NRG3: variants seen among roughly 807,000 people sequenced by gnomAD.
The protein encoded by NRG3 is pro-neuregulin-3, membrane-bound isoform.
In NRG3, 31 loss-of-function variants were observed where a neutral mutation model predicts 66.9. The observed-to-expected ratio is 0.46, with a 90% CI of 0.35 to 0.63. NRG3 has a LOEUF of 0.63. Among genes scored for constraint, NRG3 ranks in the 20% least tolerant of loss-of-function variants. NRG3 has a pLI of 0.00. For synonymous variants in NRG3, 393 were observed against 359.4 expected (o/e 1.09, Z -1.06); for missense variants, 910 against 878.9 (o/e 1.04, Z -0.45).
chr10:82,677,896 C>T (rs2053831161), intron 2 of NRG3, among the ~76,000 whole-genome samples: 1 of 152,190 alleles, frequency 6.6e-6, no homozygotes, highest in Non-Finnish European at 1.5e-5. Flanking sequence ...CTTACTTCTC[C>T]ATTGATTCTC....
In NRG3 at chr10:82,018,416, G is replaced by A. The variant is rs188065397; in HGVS notation, c.823+142253G>A. On this transcript the variant is annotated intron_variant, in intron 1 of 8. Coordinates refer to ENST00000372141, the MANE Select transcript of NRG3 (RefSeq NM_001010848.4). ...TGGCTTAGGATTGACTTGGCGATGC[G>A]TGCTCTTTTTTGGTTCCATATGAAC... 2.6e-3 allele frequency among the ~76,000 whole-genome samples: 395 copies of A among 152,194 alleles called. 1 individual carries two copies. Among genetic ancestry groups the A allele is most frequent in the African/African-American group, 8.2e-3 (339 of 41,518 alleles).
intron 1 of NRG3, among the ~76,000 whole-genome samples, chr10:82,097,381 C>CACAT (rs2066411434): frequency 6.8e-6 from 1 of 146,668 alleles, no homozygotes; most frequent in South Asian, 2.1e-4. Context: ...CACACACACA[C>CACAT]ACACACACAC....
intron 2 of NRG3, among the ~76,000 whole-genome samples, chr10:82,633,842 C>G (rs1314687675): frequency 1.3e-5 from 2 of 152,078 alleles, no homozygotes; most frequent in Non-Finnish European, 2.9e-5. Flanking sequence ...CTTATTTGAC[C>G]ATCAATTTTT....
At chr10:82,539,936 A>G (rs1201435134) in intron 2 of NRG3, among the ~76,000 whole-genome samples, 1 of 152,036 alleles carries the variant, frequency 6.6e-6, no homozygotes, top group Non-Finnish European at 1.5e-5. Context: ...CCAGCCGTTT[A>G]CTGCCGTTTT....
At chr10:82,092,812 T>C (rs1202418849) in intron 1 of NRG3, among the ~76,000 whole-genome samples, 4 of 152,170 alleles carry the variant, frequency 2.6e-5, no homozygotes, top group South Asian at 2.1e-4. Flanking sequence ...TTCTTGAAGA[T>C]TGGAATTCCT....
intron 2 of NRG3, among the ~76,000 whole-genome samples, chr10:82,662,858 T>C (rs777140938): frequency 3.8e-4 from 58 of 152,332 alleles, no homozygotes; most frequent in Non-Finnish European, 7.9e-4. Flanking sequence ...CTTTTAACTT[T>C]ATACCTTGTC....
intron 1 of NRG3, among the ~76,000 whole-genome samples, chr10:82,353,879 T>C (rs1361433791): frequency 6.6e-6 from 1 of 152,140 alleles, no homozygotes; most frequent in African/African-American, 2.4e-5. Flanking sequence ...TTGTCCTCTA[T>C]GCTGCTGGGC....
chr10:82,047,785 A>G (rs1018803680), intron 1 of NRG3, among the ~76,000 whole-genome samples: 1 of 152,058 alleles, frequency 6.6e-6, no homozygotes, highest in African/African-American at 2.4e-5. Context: ...TAAATGCTCC[A>G]ATTAAAAGAC....
intron 1 of NRG3, among the ~76,000 whole-genome samples, chr10:82,020,266 G>A (rs1046354103): frequency 6.6e-6 from 1 of 152,226 alleles, no homozygotes; most frequent in East Asian, 1.9e-4. Context: ...TCACATATTT[G>A]TAGAATATTT....
intron 1 of NRG3, among the ~76,000 whole-genome samples, chr10:82,308,281 G>T (rs1485808296): frequency 6.6e-6 from 1 of 152,034 alleles, no homozygotes; most frequent in Non-Finnish European, 1.5e-5. Flanking sequence ...AAGAGGCAGG[G>T]TTCCACCATG....
rs546927706 is a variant in NRG3 at position 81,941,371 on chromosome 10, G to T, written c.823+65208G>T. Reference sequence around the variant, plus strand: ...TTTCAGTAAGATAATTTTGTCATTGGGTACCTCACTTGAAATGTGCATTTC... The same window carrying T: ...TTTCAGTAAGATAATTTTGTCATTGTGTACCTCACTTGAAATGTGCATTTC... On this transcript the variant is annotated intron_variant, in intron 1 of 8. Transcript: ENST00000372141. Among the ~76,000 whole-genome samples, 14 of 152,052 alleles carry T rather than the reference G, an allele frequency of 9.2e-5. No homozygotes were observed. The South Asian group carries it at 2.9e-3, about 32-fold the overall frequency.
chr10:82,980,169 G>T (rs1235817228), intron 8 of NRG3, among the ~76,000 whole-genome samples: 2 of 151,588 alleles, frequency 1.3e-5, no homozygotes, highest in Non-Finnish European at 2.9e-5. Flanking sequence ...GGTGCTACTG[G>T]ACTCCAACCT....
chr10:82,546,905 C>G (rs1449439429), intron 2 of NRG3, among the ~76,000 whole-genome samples: 1 of 151,918 alleles, frequency 6.6e-6, no homozygotes, highest in African/African-American at 2.4e-5. Context: ...AAACTGTTGC[C>G]CATCAATTAC....
rs968048071 is a variant in NRG3 at position 82,329,753 on chromosome 10, T to G, written c.824-28986T>G. Among the ~76,000 whole-genome samples, 4 of 152,318 alleles carry G rather than the reference T, an allele frequency of 2.6e-5. No homozygotes were observed. In the South Asian group the frequency reaches 8.3e-4, roughly 32 times the overall value. ...TGTGCTTTTATCTTGGCAATGTCAC[T>G]TAAATCCCCTTCCAAATCTTTTCTT... On this transcript the variant is annotated intron_variant, in intron 1 of 8. Transcript: ENST00000372141.
At chr10:82,380,883 G>A (rs1185403890) in intron 2 of NRG3, among the ~76,000 whole-genome samples, 1 of 151,958 alleles carries the variant, frequency 6.6e-6, no homozygotes, top group Non-Finnish European at 1.5e-5. Context: ...AACCCCTAAT[G>A]GAAACAGCCA....
intron 1 of NRG3, among the ~76,000 whole-genome samples, chr10:82,291,337 A>G (rs1238669740): frequency 2.0e-5 from 3 of 152,210 alleles, no homozygotes; most frequent in Non-Finnish European, 2.9e-5. Flanking sequence ...GACAAAAGAA[A>G]TAAAAAACAT....
At chr10:82,252,269 G>T (rs1182826036) in intron 1 of NRG3, among the ~76,000 whole-genome samples, 5 of 152,114 alleles carry the variant, frequency 3.3e-5, no homozygotes, top group African/African-American at 1.2e-4. Flanking sequence ...TTTCCCTTGT[G>T]TTTGCTTTAG....
At chr10:82,513,600 G>A (rs1187504487) in intron 2 of NRG3, among the ~76,000 whole-genome samples, 2 of 152,066 alleles carry the variant, frequency 1.3e-5, no homozygotes, top group African/African-American at 2.4e-5. Context: ...GGCCAACATG[G>A]CGAAACCCTG....
chr10:82,114,460 C>T (rs905871676), intron 1 of NRG3, among the ~76,000 whole-genome samples: 5 of 152,120 alleles, frequency 3.3e-5, no homozygotes, highest in African/African-American at 1.2e-4. Flanking sequence ...CTGTGAGTCT[C>T]AGTTTATTAG....
Sources: allele counts gnomAD v4.1 joint callset (sites outside exome capture counted in the v4.1 genomes callset), GRCh38; gene constraint gnomAD v4.1.1; transcripts MANE v1.5; gene names NCBI Gene and HGNC (gene_info 2026-07-23, HGNC 2026-07-21).